DENND1C: variants seen among roughly 807,000 people sequenced by gnomAD.
DENND1C encodes DENN domain containing 1C, also known as DENN domain-containing protein 1C.
In DENND1C, 64 loss-of-function variants were observed where a neutral mutation model predicts 87.9. The ratio of observed to expected loss-of-function variants is 0.73; its 90% CI spans 0.60 to 0.90. The LOEUF is 0.90. Among genes scored for constraint, DENND1C ranks in the 40% least tolerant of loss-of-function variants. DENND1C has a pLI of 0.00. For synonymous variants in DENND1C, 384 were observed against 424.4 expected, an observed-to-expected ratio of 0.90 and a Z score of 1.17; for missense variants, 980 against 1,037.0, an observed-to-expected ratio of 0.95 and a Z score of 0.76.
At chr19:6,473,025 G>C (rs776542401) in intron 14 of DENND1C, 32 bp from the exon 15 acceptor site, 1 of 1,432,336 alleles carries the variant, frequency 7.0e-7, no homozygotes, top group Non-Finnish European at 9.3e-7. Context: ...TGAGCTCCCT[G>C]GGGTGCTCCT....
intron 19 of DENND1C, 71 bp from the exon 20 acceptor site, chr19:6,469,024 A>T: frequency 3.4e-6 from 3 of 894,748 alleles, no homozygotes; most frequent in Non-Finnish European, 4.5e-6. Flanking sequence ...ATTGGTCTTT[A>T]GTTAGTCTTT....
chr19:6,481,455 G>A (rs1413715384), intron 1 of DENND1C, among the ~76,000 whole-genome samples: 2 of 108,598 alleles, frequency 1.8e-5, no homozygotes, highest in Admixed American at 2.4e-4. Flanking sequence ...ATAATCACAG[G>A]AGCTGGATAG....
At position 6,481,691 on chromosome 19, in the gene DENND1C, T is replaced by A. The variant is rs1194887335; in HGVS notation, c.5A>T (p.Glu2Val). The A allele has an allele frequency of 6.2e-7, 1 of 1,602,294 alleles. No individual in the cohort carries two copies. The highest frequency in any genetic ancestry group is 1.7e-5 in the Admixed American group (1 of 58,436). The part of the protein sequence containing the change: M[E>V]SRAEGGSPAV... ...GGGTGGCTCTTACTCAGCTCTGGAT[T>A]CCATGGTCCCTGCAGGGCCAGCCCA... Residue 2 changes from glutamate (E) to valine (V), a missense_variant, in exon 1 of 23, where the codon GAA becomes GTA. By Grantham distance (121) the Glu-to-Val change is moderately radical. Coordinates refer to ENST00000381480, the MANE Select transcript of DENND1C (RefSeq NM_024898.4).
chr19:6,477,040 C>T, intron 9 of DENND1C, 34 bp downstream of exon 9: 1 of 1,612,842 alleles, frequency 6.2e-7, no homozygotes, highest in South Asian at 1.1e-5. Context: ...GTTTCGGGAC[C>T]TGTTCTCACC....
chr19:6,469,739 T>G, intron 18 of DENND1C, 99 bp from the exon 19 acceptor site: 1 of 1,294,678 alleles, frequency 7.7e-7, no homozygotes, highest in Non-Finnish European at 1.1e-6. Context: ...TTTTTTGCCA[T>G]CTGCATGTCT....
chr19:6,478,183 T>G (rs992986882), intron 6 of DENND1C, among the ~76,000 whole-genome samples: 1 of 152,170 alleles, frequency 6.6e-6, no homozygotes, highest in African/African-American at 2.4e-5. Flanking sequence ...CAGTTGATCC[T>G]CCCACCTTGC....
At chr19:6,472,134 A>T (rs2092832724) in intron 15 of DENND1C, among the ~76,000 whole-genome samples, 1 of 151,870 alleles carries the variant, frequency 6.6e-6, no homozygotes, top group Non-Finnish European at 1.5e-5. Flanking sequence ...GGTCCAAGCT[A>T]CCTTCTCCCA....
chr19:6,477,257 C>A lies in DENND1C; in HGVS notation c.474G>T (p.Gly158=), dbSNP rs1241765365. Residue 158 remains glycine, a synonymous_variant, in exon 8 of 23, where the codon GGG becomes GGT. Transcript: ENST00000381480. ...ELGSGVTVSS[G]QGIPPPTRGN... ...CCCGGGTAGGGGGGGGGATACCCTG[C>A]CCGCTGGAGACCGTCACTCCGCTGC... 6 of 1,584,498 alleles carry A rather than the reference C, an allele frequency of 3.8e-6. No homozygotes were observed. The highest frequency in any genetic ancestry group is 4.3e-6 in the Non-Finnish European group (5 of 1,163,128).
chr19:6,477,441 T>C lies in DENND1C; in HGVS notation c.384A>G (p.Glu128=). 2.5e-6 allele frequency: 4 copies of C among 1,612,598 alleles called. No homozygotes were observed. The highest frequency in any genetic ancestry group is 1.3e-5 in the African/African-American group (1 of 74,838). Residue 128 remains glutamate, a synonymous_variant, in exon 7 of 23, where the codon GAA becomes GAG. Coordinates refer to ENST00000381480, the MANE Select transcript of DENND1C (RefSeq NM_024898.4). ...LAQDQVTEAE[E]LLQNLFQQSL... is the part of the protein sequence containing the mutation. The stretch of plus-strand genomic sequence containing the variant: ...ACTGCTGAAACAGATTTTGAAGAAG[T>C]TCCTCTGCCTCGGTGACCTGGGTGG...
intron 17 of DENND1C, 72 bp from the exon 18 acceptor site, chr19:6,470,438 GCCAATCAAGC>G: frequency 6.9e-7 from 1 of 1,448,700 alleles, no homozygotes; most frequent in Non-Finnish European, 9.5e-7. Flanking sequence ...GTTGTGTGAT[GCCAATCAAGC>G]CCCTTTCCCT....
intron 14 of DENND1C, among the ~76,000 whole-genome samples, chr19:6,473,841 G>A (rs2092844127): frequency 6.6e-6 from 1 of 151,914 alleles, no homozygotes; most frequent in African/African-American, 2.4e-5. Context: ...TGACTCGGGT[G>A]TTCACAGGTG....
At chr19:6,475,627 T>C (rs750974799) in intron 12 of DENND1C, 42 bp from the exon 13 acceptor site, 3 of 1,613,678 alleles carry the variant, frequency 1.9e-6, no homozygotes, top group Non-Finnish European at 2.5e-6. Flanking sequence ...CCGGGAGTCC[T>C]TGGCAGAGGA....
In DENND1C at chr19:6,471,260, C is replaced by G. The variant is rs370818415; in HGVS notation, c.1290+5G>C. 1.3e-6 allele frequency: 2 copies of G among 1,585,028 alleles called. No individual in the cohort carries two copies. The highest frequency in any genetic ancestry group is 1.7e-6 in the Non-Finnish European group (2 of 1,165,308). Reference sequence around the variant, plus strand: ...GCCCACGGCCTATTGTTCTGGTGGTCTTACCTTTAGATTGTCGGCCCAGAG... The same window carrying G: ...GCCCACGGCCTATTGTTCTGGTGGTGTTACCTTTAGATTGTCGGCCCAGAG... On this transcript the variant is annotated splice_donor_5th_base_variant and intron_variant, in intron 17 of 22. Coordinates refer to ENST00000381480, the MANE Select transcript of DENND1C (RefSeq NM_024898.4).
At chr19:6,470,664 C>T (rs2092823816) in intron 17 of DENND1C, among the ~76,000 whole-genome samples, 1 of 132,362 alleles carries the variant, frequency 7.6e-6, no homozygotes, top group Admixed American at 8.2e-5. Flanking sequence ...CTCTGTTACC[C>T]AGGCTGGAAT....
At position 6,467,406 on chromosome 19, in the gene DENND1C, A is replaced by C. The variant is rs1876590241; in HGVS notation, c.*98T>G. On this transcript the variant is annotated 3_prime_UTR_variant, in exon 23 of 23. Transcript: ENST00000381480. The stretch of plus-strand genomic sequence containing the variant: ...GTGGGTGGGATGGATTTCCGAGCAG[A>C]GTGAGGGCACCAGAGAAATTCACCA... The C allele has an allele frequency of 7.1e-7, 1 of 1,412,718 alleles. No homozygotes were observed. Among genetic ancestry groups the C allele is most frequent in the Admixed American group, 2.7e-5 (1 of 37,524 alleles). The allele number at this position is 1,412,718 out of a possible 1,614,324, so 87.5% of individuals were successfully genotyped here. A position where few individuals can be genotyped will look rare whatever the true frequency, so the allele number is the denominator to read the frequency against.
chr19:6,478,741 G>A, intron 6 of DENND1C, 42 bp downstream of exon 6: 1 of 1,582,604 alleles, frequency 6.3e-7, no homozygotes, highest in Non-Finnish European at 8.6e-7. Flanking sequence ...AGGGGGGTGG[G>A]GGCTGGGACT....
At position 6,468,333 on chromosome 19, in the gene DENND1C, C is replaced by T. The variant is rs1186388632; in HGVS notation, c.1692G>A (p.Leu564=). The part of the protein sequence containing the change: ...GEELDLLSEI[L]DSLSMGAKSA... The stretch of plus-strand genomic sequence containing the variant: ...TCTTGGCTCCCATGCTAAGACTGTC[C>T]AGAATCTCGCTCAACAAATCCAGTT... Residue 564 remains leucine (L), a synonymous_variant, in exon 22 of 23, where the codon CTG becomes CTA. Transcript: ENST00000381480. 2 of 1,613,798 alleles carry T rather than the reference C, an allele frequency of 1.2e-6. No individual in the cohort carries two copies. Among genetic ancestry groups the T allele is most frequent in the Admixed American group, 1.7e-5 (1 of 60,008 alleles).
At position 6,468,021 on chromosome 19, in the gene DENND1C, T is replaced by C; in HGVS notation, c.1889A>G (p.Asp630Gly). ...LPSLQNASSL[D>G]ATSSSKDSRS... is the part of the protein sequence containing the mutation. ...GGAGTCCTTTGAAGAGCTGGTGGCA[T>C]CCAAAGACGAGGCATTTTGCAGGGA... Residue 630 changes from aspartate to glycine, a missense_variant, in exon 23 of 23, where the codon GAT (aspartate) becomes GGT (glycine). Physicochemically the swap from Asp to Gly is moderately conservative, Grantham distance 94 (BLOSUM62 -1). Coordinates refer to ENST00000381480, the MANE Select transcript of DENND1C (RefSeq NM_024898.4). 1.2e-6 allele frequency: 2 copies of C among 1,613,820 alleles called. No individual in the cohort carries two copies. Among genetic ancestry groups the C allele is most frequent in the East Asian group, 2.2e-5 (1 of 44,866 alleles).
Position 6,468,931 on chromosome 19 carries a change from CT to C in DENND1C, c.1429del (p.Arg477GlyfsTer5). ...GGCTGGGGCCCTCAGAGAGCCCCCC[CT>C]CTGCAGGACAGAGTCCCCATCCTAG... The part of the protein sequence containing the change: ...MYKDGDSVLQ[R>X]GGSLRAPALP... On this transcript the variant is annotated frameshift_variant, in exon 20 of 23. Coordinates refer to ENST00000381480, the MANE Select transcript of DENND1C (RefSeq NM_024898.4). LOFTEE classifies it high-confidence loss of function. The C allele has an allele frequency of 1.4e-6, 2 of 1,454,790 alleles. No individual in the cohort carries two copies. The highest frequency in any genetic ancestry group is 1.8e-6 in the Non-Finnish European group (2 of 1,106,574). The allele number at this position is 1,454,790 out of a possible 1,614,324, so 90.1% of individuals were successfully genotyped here.
Sources: allele counts gnomAD v4.1 joint callset (sites outside exome capture counted in the v4.1 genomes callset), GRCh38; gene constraint gnomAD v4.1.1; transcripts MANE v1.5; gene names NCBI Gene and HGNC (gene_info 2026-07-23, HGNC 2026-07-21).